The following RSRC1 variants were observed in gnomAD, a reference collection of about 807,000 sequenced individuals.
RSRC1 encodes arginine and serine rich coiled-coil 1, also known as serine/Arginine-related protein 53.
A neutral mutation model predicts 49.1 loss-of-function variants in RSRC1; 39 were observed. The observed-to-expected ratio is 0.79, with a 90% CI of 0.61 to 1.04. The LOEUF (loss-of-function observed/expected upper bound fraction) is 1.04, where lower values mean the gene tolerates loss of function less well. Ranked by LOEUF, RSRC1 falls within the 50% of genes least tolerant of loss-of-function variation. The probability of loss-of-function intolerance (pLI) is 0.00; values close to 1 mark genes in which losing one functional copy is unlikely to be tolerated. For synonymous variants in RSRC1, 143 were observed against 130.8 expected (o/e 1.09, Z -0.63); for missense variants, 388 against 402.4 (o/e 0.96, Z 0.31).
At chr3:158,419,114 A>G (rs976288323) in intron 6 of RSRC1, among the ~76,000 whole-genome samples, 2 of 152,008 alleles carry the variant, frequency 1.3e-5, no homozygotes, top group Admixed American at 6.6e-5. Flanking sequence ...GTGTTATTAC[A>G]AGTATATTTA....
At chr3:158,508,464 T>C (rs1160180549) in intron 7 of RSRC1, among the ~76,000 whole-genome samples, 1 of 152,112 alleles carries the variant, frequency 6.6e-6, no homozygotes, top group Non-Finnish European at 1.5e-5. Flanking sequence ...GTCTGTGTCA[T>C]ACATGTCGTA....
chr3:158,301,353 A>G (rs1727539444), intron 5 of RSRC1, among the ~76,000 whole-genome samples: 1 of 152,142 alleles, frequency 6.6e-6, no homozygotes, highest in South Asian at 2.1e-4. Flanking sequence ...CCTCCATGTT[A>G]CAGCCAGCAT....
At chr3:158,165,972 A>G (rs1241568524) in intron 3 of RSRC1, among the ~76,000 whole-genome samples, 2 of 152,288 alleles carry the variant, frequency 1.3e-5, no homozygotes, top group Non-Finnish European at 2.9e-5. Context: ...GACATCTCTA[A>G]GGAATTAGTC....
chr3:158,330,002 C>T (rs576280669), intron 5 of RSRC1, among the ~76,000 whole-genome samples: 4 of 152,174 alleles, frequency 2.6e-5, no homozygotes, highest in Admixed American at 1.3e-4. Flanking sequence ...TAGCAATGAG[C>T]GAGGCTCCGT....
chr3:158,466,538 A>C (rs1257620577), intron 7 of RSRC1, among the ~76,000 whole-genome samples: 2 of 152,186 alleles, frequency 1.3e-5, no homozygotes, highest in African/African-American at 4.8e-5. Context: ...TACAATCCTG[A>C]GAGTAACTTA....
intron 4 of RSRC1, among the ~76,000 whole-genome samples, chr3:158,246,294 G>A (rs981264081): frequency 2.0e-5 from 3 of 151,810 alleles, no homozygotes; most frequent in Admixed American, 1.3e-4. Flanking sequence ...TATACCTAAT[G>A]TTAAATGACG....
At chr3:158,226,649 A>G (rs1722546639) in intron 4 of RSRC1, among the ~76,000 whole-genome samples, 1 of 151,930 alleles carries the variant, frequency 6.6e-6, no homozygotes, top group African/African-American at 2.4e-5. Context: ...ATGACTCAGC[A>G]TCCCCTTTCT....
intron 4 of RSRC1, among the ~76,000 whole-genome samples, chr3:158,248,980 G>A (rs186488953): frequency 1.8e-4 from 27 of 152,108 alleles, no homozygotes; most frequent in East Asian, 1.4e-3. Context: ...GATTTTAGTC[G>A]TTCTGATGGA....
intron 5 of RSRC1, among the ~76,000 whole-genome samples, chr3:158,333,350 C>A (rs759510066): frequency 4.6e-4 from 70 of 152,260 alleles, no homozygotes; most frequent in Admixed American, 1.6e-3. Context: ...TGTGTTTTGC[C>A]TTTTTTCCTA....
chr3:158,289,382 G>A (rs1171324100), intron 4 of RSRC1, among the ~76,000 whole-genome samples: 4 of 152,148 alleles, frequency 2.6e-5, no homozygotes, highest in African/African-American at 9.7e-5. Flanking sequence ...GTCCTTGGCT[G>A]TTTAATATAT....
chr3:158,315,321 G>A (rs1422588488), intron 5 of RSRC1, among the ~76,000 whole-genome samples: 12 of 152,004 alleles, frequency 7.9e-5, no homozygotes, highest in Non-Finnish European at 1.8e-4. Flanking sequence ...GGAGGAGAAG[G>A]GAAATTCAGG....
intron 6 of RSRC1, among the ~76,000 whole-genome samples, chr3:158,374,943 T>G (rs781653863): frequency 2.0e-5 from 3 of 152,056 alleles, no homozygotes; most frequent in Non-Finnish European, 2.9e-5. Flanking sequence ...CTCTAAGTTA[T>G]TTGATATGAG....
intron 7 of RSRC1, among the ~76,000 whole-genome samples, chr3:158,531,650 T>TAA (rs1242133226): frequency 6.6e-6 from 1 of 151,870 alleles, no homozygotes; most frequent in African/African-American, 2.4e-5. Context: ...TCTCATCTTT[T>TAA]AAATTATTTG....
intron 6 of RSRC1, among the ~76,000 whole-genome samples, chr3:158,431,371 G>A (rs903778992): frequency 4.6e-5 from 7 of 151,696 alleles, no homozygotes; most frequent in African/African-American, 7.3e-5. Context: ...AAAGAACAAA[G>A]CATTTGAAAC....
intron 1 of RSRC1, among the ~76,000 whole-genome samples, chr3:158,118,462 T>TGTGTGTGTGTGTGTGTGCGCGC (rs1491469875): frequency 2.5e-4 from 31 of 124,714 alleles, no homozygotes; most frequent in East Asian, 1.6e-3. Context: ...TGTGTGTGTG[T>TGTGTGTGTGTGTGTGTGCGCGC]GCGCGTGCGC....
chr3:158,538,404 A>G (rs866246104), intron 8 of RSRC1, among the ~76,000 whole-genome samples: 2 of 151,830 alleles, frequency 1.3e-5, no homozygotes, highest in South Asian at 4.1e-4. Flanking sequence ...ACATTCATAA[A>G]TGTAGTTGCC....
chr3:158,388,559 T>A (rs1407240878), intron 6 of RSRC1, among the ~76,000 whole-genome samples: 2 of 151,836 alleles, frequency 1.3e-5, no homozygotes, highest in Non-Finnish European at 1.5e-5. Context: ...TAAAAGTAGG[T>A]CTGTTTTGAC....
chr3:158,129,499 C>G (rs968229433), intron 3 of RSRC1, among the ~76,000 whole-genome samples: 1 of 151,928 alleles, frequency 6.6e-6, no homozygotes, highest in Non-Finnish European at 1.5e-5. Flanking sequence ...CCATGTTGGC[C>G]AGGCTGGTCT....
chr3:158,430,779 CTGG>C lies in RSRC1; in HGVS notation c.584-30154_584-30152del, dbSNP rs551828127. 1.8e-4 allele frequency among the ~76,000 whole-genome samples: 27 copies of C among 151,998 alleles called. No individual in the cohort carries two copies. In the East Asian group the frequency reaches 2.9e-3, roughly 16 times the overall value. On this transcript the variant is annotated intron_variant, in intron 6 of 9. Transcript: ENST00000611884. Reference sequence around the variant, plus strand: ...ATAACTGTATTACCTACCACAGTACCTGGTACAGTATATAGTATGTGCTTAACC... The same window carrying C: ...ATAACTGTATTACCTACCACAGTACCTACAGTATATAGTATGTGCTTAACC...
Sources: gnomAD v4.1 joint callset for allele counts (sites outside exome capture counted in the v4.1 genomes callset) on GRCh38, gnomAD v4.1.1 for gene constraint, MANE v1.5 for transcripts, NCBI Gene and HGNC (gene_info 2026-07-23, HGNC 2026-07-21) for gene names.